GALNT13: variants seen among roughly 807,000 people sequenced by gnomAD.
The protein encoded by GALNT13 is UDP-GalNAc:polypeptide N-acetylgalactosaminyltransferase 13.
A neutral mutation model predicts 64.2 loss-of-function variants in GALNT13; 28 were observed. The observed-to-expected ratio is 0.44, with a 90% CI of 0.32 to 0.60. The LOEUF (loss-of-function observed/expected upper bound fraction) is 0.60, where lower values mean the gene tolerates loss of function less well. GALNT13 is among the 20% of genes least tolerant of loss of function. The probability of loss-of-function intolerance (pLI) is 0.05; values close to 1 mark genes in which losing one functional copy is unlikely to be tolerated. For synonymous variants in GALNT13, 214 were observed against 224.6 expected (o/e 0.95, Z 0.42); for missense variants, 577 against 669.8 (o/e 0.86, Z 1.53).
chr2:153,998,403 G>C (rs992464918), intron 3 of GALNT13, among the ~76,000 whole-genome samples: 1 of 152,126 alleles, frequency 6.6e-6, no homozygotes, highest in Non-Finnish European at 1.5e-5. Context: ...GTGATAATGA[G>C]CTTTTTTTCA....
the GALNT13 span, among the ~76,000 whole-genome samples, chr2:153,482,628 CCTGA>C: frequency 6.6e-5 from 10 of 152,186 alleles, no homozygotes; most frequent in Non-Finnish European, 8.8e-5. Context: ...CACCACCACA[CCTGA>C]CTAATTTTTT....
chr2:153,689,063 C>T, the GALNT13 span, among the ~76,000 whole-genome samples: 5 of 66,334 alleles, frequency 7.5e-5, no homozygotes, highest in Non-Finnish European at 1.3e-4. Flanking sequence ...TGCTAAACCG[C>T]GTGTGTATGT....
chr2:153,817,946 C>G, the GALNT13 span, among the ~76,000 whole-genome samples: 1 of 151,970 alleles, frequency 6.6e-6, no homozygotes, highest in East Asian at 1.9e-4. Context: ...GTGCACTGCT[C>G]GCATGGAAAG....
At chr2:154,378,467 TCTC>T (rs1269200634) in intron 9 of GALNT13, among the ~76,000 whole-genome samples, 2 of 152,142 alleles carry the variant, frequency 1.3e-5, no homozygotes, top group African/African-American at 4.8e-5. Flanking sequence ...TTATCCATCT[TCTC>T]TGTTGTAGGC....
chr2:153,127,328 T>A, the GALNT13 span, among the ~76,000 whole-genome samples: 4 of 152,204 alleles, frequency 2.6e-5, no homozygotes, highest in African/African-American at 7.2e-5. Flanking sequence ...AGATTTTTTT[T>A]AAATCAAATG....
intron 9 of GALNT13, among the ~76,000 whole-genome samples, chr2:154,307,277 G>A (rs1693791155): frequency 6.6e-6 from 1 of 151,936 alleles, no homozygotes; most frequent in Non-Finnish European, 1.5e-5. Context: ...AGTCTAACAG[G>A]CACAATAAAA....
intron 2 of GALNT13, among the ~76,000 whole-genome samples, chr2:153,925,067 C>A (rs1252275400): frequency 6.6e-6 from 1 of 152,116 alleles, no homozygotes; most frequent in East Asian, 1.9e-4. Context: ...AATTAGATTC[C>A]ATTTGTCAAT....
the GALNT13 span, among the ~76,000 whole-genome samples, chr2:153,402,597 T>C: frequency 2.0e-5 from 3 of 152,262 alleles, no homozygotes; most frequent in Non-Finnish European, 2.9e-5. Context: ...TTTCACATAG[T>C]CCCATATTTC....
intron 3 of GALNT13, among the ~76,000 whole-genome samples, chr2:154,114,438 C>T (rs1174848840): frequency 2.6e-5 from 4 of 152,248 alleles, no homozygotes; most frequent in East Asian, 3.9e-4. Context: ...CCCACAATGA[C>T]GTTTTGTGTC....
intron 2 of GALNT13, among the ~76,000 whole-genome samples, chr2:153,902,175 A>C (rs754357005): frequency 3.9e-5 from 6 of 152,116 alleles, no homozygotes; most frequent in African/African-American, 7.2e-5. Context: ...GGACATTTTC[A>C]GAATTACTAG....
the GALNT13 span, among the ~76,000 whole-genome samples, chr2:153,646,107 G>A: frequency 5.3e-5 from 8 of 152,086 alleles, no homozygotes; most frequent in South Asian, 1.2e-3. Context: ...ATAGTAAATG[G>A]TGAAGATACA....
At position 154,282,406 on chromosome 2, in the gene GALNT13, G is replaced by A. The variant is rs1692008652; in HGVS notation, c.976-19003G>A. Among the ~76,000 whole-genome samples the A allele has an allele frequency of 2.6e-5, 4 of 152,036 alleles. No individual in the cohort carries two copies. The South Asian group carries it at 8.3e-4, about 32-fold the overall frequency. ...AAGTAAAATAAGCTTGCCTAAGTAG[G>A]AAAAGTTTTATTTAAATTTCGGAGG... On this transcript the variant is annotated intron_variant, in intron 8 of 12. Transcript: ENST00000392825.
chr2:153,510,519 T>A, the GALNT13 span, among the ~76,000 whole-genome samples: 81 of 152,084 alleles, frequency 5.3e-4, 1 homozygote, highest in East Asian at 0.013. Flanking sequence ...GAGTGTAGGC[T>A]AAGGAGGTGC....
chr2:154,232,021 A>G (rs1436850806), intron 4 of GALNT13, among the ~76,000 whole-genome samples: 1 of 151,884 alleles, frequency 6.6e-6, no homozygotes, highest in Non-Finnish European at 1.5e-5. Context: ...AACCAAAGAA[A>G]CTGAAGCACA....
the GALNT13 span, among the ~76,000 whole-genome samples, chr2:153,559,497 A>C: frequency 1.3e-5 from 2 of 152,236 alleles, no homozygotes; most frequent in Non-Finnish European, 2.9e-5. Context: ...AGTAATGTAT[A>C]TACAGAGAGG....
the GALNT13 span, among the ~76,000 whole-genome samples, chr2:153,425,494 C>T: frequency 6.6e-6 from 1 of 151,528 alleles, no homozygotes. Context: ...GAAATAAATT[C>T]AATACACAGG....
the GALNT13 span, among the ~76,000 whole-genome samples, chr2:153,228,762 A>C: frequency 6.6e-6 from 1 of 151,280 alleles, no homozygotes; most frequent in Admixed American, 6.6e-5. Flanking sequence ...AGTCCTAGCT[A>C]CTAGGGAGGC....
At chr2:153,422,937 A>G in the GALNT13 span, among the ~76,000 whole-genome samples, 2 of 152,014 alleles carry the variant, frequency 1.3e-5, no homozygotes, top group African/African-American at 4.8e-5. Flanking sequence ...ATTTCAATAA[A>G]CAAGGGTTTG....
chr2:154,177,406 G>A (rs369716066), intron 4 of GALNT13, among the ~76,000 whole-genome samples: 8 of 152,060 alleles, frequency 5.3e-5, no homozygotes, highest in African/African-American at 1.9e-4. Flanking sequence ...AGGAGCTGGG[G>A]AGGGGGAATG....
Sources: gnomAD v4.1 joint callset for allele counts (sites outside exome capture counted in the v4.1 genomes callset) on GRCh38, gnomAD v4.1.1 for gene constraint, MANE v1.5 for transcripts, NCBI Gene and HGNC (gene_info 2026-07-23, HGNC 2026-07-21) for gene names.